Variants in SAMMSON observed in about 807,000 individuals in gnomAD.
SAMMSON encodes survival associated mitochondrial melanoma specific oncogenic non-coding RNA.
chr3:70,060,403 A>G (rs1284354419), intron 3 of SAMMSON, among the ~76,000 whole-genome samples: 1 of 152,134 alleles, frequency 6.6e-6, no homozygotes, highest in African/African-American at 2.4e-5. Context: ...TCTCTAATAA[A>G]TATGAAAAAG....
At chr3:70,294,531 A>G (rs1575618548) in intron 7 of SAMMSON, among the ~76,000 whole-genome samples, 1 of 152,138 alleles carries the variant, frequency 6.6e-6, no homozygotes, top group African/African-American at 2.4e-5. Context: ...TAAAATAATA[A>G]TAGTAGTCAT....
intron 4 of SAMMSON, among the ~76,000 whole-genome samples, chr3:70,171,732 G>C (rs6549286): frequency 6.6e-6 from 1 of 151,562 alleles, no homozygotes; most frequent in African/African-American, 2.4e-5. Context: ...ATTTATTCTC[G>C]TGTCCTTTAA....
At chr3:70,238,145 G>A (rs934925173) in intron 4 of SAMMSON, among the ~76,000 whole-genome samples, 2 of 151,720 alleles carry the variant, frequency 1.3e-5, no homozygotes, top group African/African-American at 4.8e-5. Flanking sequence ...CTATCTCCTA[G>A]CCACAGCAGC....
At chr3:70,349,075 G>T (rs76247354) in intron 7 of SAMMSON, among the ~76,000 whole-genome samples, 1 of 152,026 alleles carries the variant, frequency 6.6e-6, no homozygotes, top group Non-Finnish European at 1.5e-5. Context: ...AGAAATGGGG[G>T]AGTGGAATGG....
At chr3:70,420,415 G>A (rs533784893) in intron 2 of SAMMSON, among the ~76,000 whole-genome samples, 7 of 152,148 alleles carry the variant, frequency 4.6e-5, no homozygotes, top group African/African-American at 1.7e-4. Context: ...AATAAAATGG[G>A]GAAAGTGACT....
chr3:70,370,970 T>A (rs540478035), intron 9 of SAMMSON, among the ~76,000 whole-genome samples: 4 of 152,252 alleles, frequency 2.6e-5, no homozygotes, highest in Non-Finnish European at 5.9e-5. Flanking sequence ...AAGTCTTTAA[T>A]CCATTTTGAG....
chr3:70,021,669 T>C (rs2067013786), intron 3 of SAMMSON, among the ~76,000 whole-genome samples: 1 of 152,162 alleles, frequency 6.6e-6, no homozygotes, highest in Non-Finnish European at 1.5e-5. Context: ...ATTGTGGTGA[T>C]ATTAACAGGG....
intron 7 of SAMMSON, among the ~76,000 whole-genome samples, chr3:70,337,121 A>T (rs1334818505): frequency 1.2e-4 from 13 of 110,298 alleles, no homozygotes; most frequent in East Asian, 1.1e-3. Context: ...ATTCTTATTA[A>T]TAATAATATC....
chr3:70,270,334 G>A (rs1477216990), intron 6 of SAMMSON, among the ~76,000 whole-genome samples: 1 of 152,100 alleles, frequency 6.6e-6, no homozygotes, highest in Admixed American at 6.5e-5. Context: ...AAAAATAGAT[G>A]TACAAAGAAT....
At chr3:70,154,354 A>G (rs1002966704) in intron 4 of SAMMSON, among the ~76,000 whole-genome samples, 5 of 152,060 alleles carry the variant, frequency 3.3e-5, no homozygotes, top group South Asian at 2.1e-4. Context: ...AAACTGAGGC[A>G]GAGGACAGGT....
chr3:70,181,573 T>C (rs372757756), intron 4 of SAMMSON, among the ~76,000 whole-genome samples: 1 of 152,268 alleles, frequency 6.6e-6, no homozygotes, highest in East Asian at 1.9e-4. Context: ...CCTCATAGGG[T>C]TGTTGAACTG....
chr3:70,007,430 G>T (rs1166638551), intron 1 of SAMMSON, among the ~76,000 whole-genome samples: 1 of 152,022 alleles, frequency 6.6e-6, no homozygotes, highest in African/African-American at 2.4e-5. Context: ...GTGTCTGTTG[G>T]CTGCATAAAT....
chr3:70,323,328 A>T (rs1702551232), intron 7 of SAMMSON, among the ~76,000 whole-genome samples: 1 of 152,174 alleles, frequency 6.6e-6, no homozygotes, highest in African/African-American at 2.4e-5. Context: ...AGTTCATACC[A>T]TTCAAAGGAA....
intron 6 of SAMMSON, among the ~76,000 whole-genome samples, chr3:70,255,130 T>C (rs1402984127): frequency 2.6e-5 from 4 of 152,212 alleles, no homozygotes. Flanking sequence ...CTAGTGGAAT[T>C]CTTAAACCAT....
chr3:70,401,651 C>T (rs1483782843), intron 2 of SAMMSON, among the ~76,000 whole-genome samples: 1 of 151,514 alleles, frequency 6.6e-6, no homozygotes, highest in Non-Finnish European at 1.5e-5. Flanking sequence ...TTTTGCAATT[C>T]AAAAACATTA....
chr3:70,154,940 A>G (rs1413420135), intron 4 of SAMMSON, among the ~76,000 whole-genome samples: 5 of 152,104 alleles, frequency 3.3e-5, no homozygotes, highest in Middle Eastern at 3.4e-3. Flanking sequence ...ATGACATGAA[A>G]CAGAATAATG....
intron 4 of SAMMSON, among the ~76,000 whole-genome samples, chr3:70,080,596 C>T (rs867043163): frequency 4.9e-4 from 75 of 152,078 alleles, no homozygotes; most frequent in Admixed American, 1.1e-3. Context: ...TCCCCCTCCT[C>T]CCTCCAAAAC....
At chr3:70,045,016 A>AC (rs1296910895) in intron 3 of SAMMSON, among the ~76,000 whole-genome samples, 39 of 129,598 alleles carry the variant, frequency 3.0e-4, no homozygotes, top group African/African-American at 1.1e-3. Context: ...ATATATATAT[A>AC]ATTAATTATA....
At chr3:70,098,845 C>T (rs1024938143) in intron 4 of SAMMSON, among the ~76,000 whole-genome samples, 1 of 151,976 alleles carries the variant, frequency 6.6e-6, no homozygotes, top group African/African-American at 2.4e-5. Flanking sequence ...TAAAGTGTGG[C>T]GATTATTGTT....
Sources: allele counts gnomAD v4.1 joint callset (sites outside exome capture counted in the v4.1 genomes callset), GRCh38; gene constraint gnomAD v4.1.1; transcripts MANE v1.5; gene names NCBI Gene and HGNC (gene_info 2026-07-23, HGNC 2026-07-21).